The following SLC39A11 variants were observed in gnomAD, a reference collection of about 807,000 sequenced individuals.
SLC39A11 encodes zinc transporter ZIP11.
In SLC39A11, 33 loss-of-function variants were observed where a neutral mutation model predicts 36.1. The ratio of observed to expected loss-of-function variants is 0.91; its 90% CI spans 0.69 to 1.22. The LOEUF (loss-of-function observed/expected upper bound fraction) is 1.22. Among genes scored for constraint, SLC39A11 ranks in the 50% most tolerant of loss-of-function variants. The pLI is 0.00. For synonymous variants in SLC39A11, 166 were observed against 170.3 expected (o/e 0.97, Z 0.20); for missense variants, 432 against 430.3 (o/e 1.00, Z -0.03).
intron 3 of SLC39A11, among the ~76,000 whole-genome samples, chr17:73,047,316 G>T (rs916272410): frequency 1.3e-5 from 2 of 151,980 alleles, no homozygotes; most frequent in African/African-American, 2.4e-5. Flanking sequence ...GAGCCACCGC[G>T]CCCGGCAAGA....
At chr17:72,683,423 C>T (rs2071596776) in intron 7 of SLC39A11, among the ~76,000 whole-genome samples, 1 of 150,754 alleles carries the variant, frequency 6.6e-6, no homozygotes, top group East Asian at 2.0e-4. Flanking sequence ...GCAGCCTCAA[C>T]CTCTCGTGCT....
At chr17:72,889,176 T>C (rs1450125717) in intron 5 of SLC39A11, among the ~76,000 whole-genome samples, 3 of 152,276 alleles carry the variant, frequency 2.0e-5, no homozygotes, top group Admixed American at 2.0e-4. Flanking sequence ...AAACCATTAA[T>C]TTAGTTACAG....
chr17:72,942,035 C>A (rs375136836), intron 5 of SLC39A11, among the ~76,000 whole-genome samples: 2 of 150,564 alleles, frequency 1.3e-5, no homozygotes, highest in African/African-American at 4.9e-5. Context: ...CATGTGCCAC[C>A]ACGCCTGGCT....
At chr17:72,754,993 C>A (rs1393669591) in intron 6 of SLC39A11, among the ~76,000 whole-genome samples, 1 of 152,198 alleles carries the variant, frequency 6.6e-6, no homozygotes, top group Non-Finnish European at 1.5e-5. Context: ...CTAGACCATC[C>A]TTACATGAAA....
chr17:72,867,455 G>T (rs140364274), intron 5 of SLC39A11, among the ~76,000 whole-genome samples: 3 of 152,076 alleles, frequency 2.0e-5, no homozygotes, highest in African/African-American at 4.8e-5. Context: ...AGCTGAGATC[G>T]CGCCACTGTA....
chr17:72,871,549 T>A (rs150451168), intron 5 of SLC39A11, among the ~76,000 whole-genome samples: 1 of 152,088 alleles, frequency 6.6e-6, no homozygotes, highest in African/African-American at 2.4e-5. Context: ...TTGATCACCA[T>A]TGGCCAATGA....
intron 3 of SLC39A11, among the ~76,000 whole-genome samples, chr17:73,077,976 C>A (rs1474667246): frequency 6.6e-6 from 1 of 152,122 alleles, no homozygotes; most frequent in African/African-American, 2.4e-5. Context: ...CAGTGGCTCA[C>A]GCCTGTAATC....
At chr17:72,872,512 G>A (rs541256727) in intron 5 of SLC39A11, among the ~76,000 whole-genome samples, 9 of 152,324 alleles carry the variant, frequency 5.9e-5, no homozygotes, top group African/African-American at 1.7e-4. Flanking sequence ...CTATGGCACC[G>A]AAAAGCTGAT....
At chr17:72,681,223 G>A (rs575953721) in intron 7 of SLC39A11, among the ~76,000 whole-genome samples, 14 of 152,228 alleles carry the variant, frequency 9.2e-5, no homozygotes, top group African/African-American at 1.2e-4. Context: ...CACAGCACCC[G>A]GTCTACATGT....
chr17:72,723,204 G>T (rs771501019), intron 7 of SLC39A11, among the ~76,000 whole-genome samples: 26 of 152,194 alleles, frequency 1.7e-4, no homozygotes, highest in Admixed American at 7.9e-4. Context: ...TCAGGTGCTT[G>T]TCAGGTGAAG....
chr17:72,842,818 G>C (rs552687664), intron 6 of SLC39A11, among the ~76,000 whole-genome samples: 3 of 152,340 alleles, frequency 2.0e-5, no homozygotes, highest in African/African-American at 7.2e-5. Flanking sequence ...TGTTTCTGGA[G>C]TCTGCCTTTT....
intron 4 of SLC39A11, among the ~76,000 whole-genome samples, chr17:73,030,067 G>A (rs1211526037): frequency 6.6e-6 from 1 of 152,172 alleles, no homozygotes; most frequent in East Asian, 1.9e-4. Context: ...TTCTCTTAAG[G>A]AGCACGCAGC....
chr17:72,680,519 C>T (rs141792008), intron 7 of SLC39A11, among the ~76,000 whole-genome samples: 105 of 152,332 alleles, frequency 6.9e-4, no homozygotes, highest in South Asian at 1.5e-3. Flanking sequence ...TCCCCACACA[C>T]ACTCTCTTGC....
At chr17:72,927,148 G>A (rs2084097306) in intron 5 of SLC39A11, among the ~76,000 whole-genome samples, 1 of 152,178 alleles carries the variant, frequency 6.6e-6, no homozygotes, top group African/African-American at 2.4e-5. Flanking sequence ...CTGGGTGCAA[G>A]CAGTTCTCCT....
At chr17:73,088,863 G>A in intron 1 of SLC39A11, 88 bp from the exon 2 acceptor site, 1 of 958,354 alleles carries the variant, frequency 1.0e-6, no homozygotes, top group Non-Finnish European at 1.6e-6. Flanking sequence ...CCCTGTGTGG[G>A]AGCTGGCCTC....
intron 6 of SLC39A11, among the ~76,000 whole-genome samples, chr17:72,758,823 C>T (rs1035394741): frequency 2.0e-5 from 3 of 152,174 alleles, no homozygotes; most frequent in African/African-American, 7.2e-5. Flanking sequence ...CCAGAGTGTT[C>T]CTAACTTGTA....
chr17:73,047,990 A>AAAAAAAAAAATATATAT (rs1555693446), intron 3 of SLC39A11, among the ~76,000 whole-genome samples: 7 of 58,692 alleles, frequency 1.2e-4, no homozygotes, highest in Admixed American at 3.2e-4. Context: ...AAAAAAAAAA[A>AAAAAAAAAAATATATAT]ATATATATAT....
intron 5 of SLC39A11, among the ~76,000 whole-genome samples, chr17:72,871,028 G>A (rs191086841): frequency 1.4e-5 from 2 of 145,804 alleles, no homozygotes; most frequent in African/African-American, 5.0e-5. Flanking sequence ...CTGGTTTTTG[G>A]TTTTTTTTGT....
chr17:72,791,805 G>A (rs2076714810), intron 6 of SLC39A11, among the ~76,000 whole-genome samples: 1 of 152,104 alleles, frequency 6.6e-6, no homozygotes, highest in East Asian at 1.9e-4. Context: ...CTTTTGCTCG[G>A]CACTTCTCTC....
Sources: gnomAD v4.1 joint callset for allele counts (sites outside exome capture counted in the v4.1 genomes callset) on GRCh38, gnomAD v4.1.1 for gene constraint, MANE v1.5 for transcripts, NCBI Gene and HGNC (gene_info 2026-07-23, HGNC 2026-07-21) for gene names.